DNAJC15: variants seen among roughly 807,000 people sequenced by gnomAD.
The protein encoded by DNAJC15 is DnaJ heat shock protein family (Hsp40) member C15.
DNAJC15 carries 27 observed loss-of-function variants against 22.4 expected under a neutral mutation model. The observed-to-expected ratio is 1.20, with a 90% confidence interval of 0.89 to 1.66. DNAJC15 has a LOEUF of 1.66. DNAJC15 is among the 40% of genes most tolerant of loss of function. The pLI is 0.00. For synonymous variants in DNAJC15, 79 were observed against 63.2 expected (o/e 1.25, Z -1.19); for missense variants, 208 against 187.1 (o/e 1.11, Z -0.65).
chr13:43,061,816 A>C (rs1285813131), intron 1 of DNAJC15, among the ~76,000 whole-genome samples: 1 of 152,212 alleles, frequency 6.6e-6, no homozygotes, highest in Non-Finnish European at 1.5e-5. Flanking sequence ...ACATTTCCAC[A>C]TGAGATGTGA....
intron 1 of DNAJC15, among the ~76,000 whole-genome samples, chr13:43,039,324 A>C (rs1424370777): frequency 1.3e-5 from 2 of 152,240 alleles, no homozygotes; most frequent in Non-Finnish European, 2.9e-5. Flanking sequence ...TCAACAAAAC[A>C]TTCGTGGAAA....
chr13:43,062,491 TAATC>T, intron 1 of DNAJC15, among the ~76,000 whole-genome samples: 1 of 152,246 alleles, frequency 6.6e-6, no homozygotes, highest in Non-Finnish European at 1.5e-5. Context: ...CAAATGGAAA[TAATC>T]AACAGAGTGC....
In DNAJC15 at chr13:43,023,664, G is replaced by A. The variant is rs1257285882; in HGVS notation, c.38G>A (p.Ser13Asn). 3 of 1,612,802 alleles carry A rather than the reference G, an allele frequency of 1.9e-6. No individual in the cohort carries two copies. Among genetic ancestry groups the A allele is most frequent in the Non-Finnish European group, 2.5e-6 (3 of 1,179,512 alleles). ...GGTGTCATCGCTCCAGTTGGCGAGA[G>A]TTTGCGCTACGCTGAGTACTTGCAG... ...ARGVIAPVGE[S>N]LRYAEYLQPS... Residue 13 changes from serine to asparagine, a missense_variant, in exon 1 of 6, where the codon AGT becomes AAT. Physicochemically the swap from Ser to Asn is conservative, Grantham distance 46. Transcript: ENST00000379221.
intron 1 of DNAJC15, among the ~76,000 whole-genome samples, chr13:43,049,679 C>T (rs892073275): frequency 6.6e-6 from 1 of 152,096 alleles, no homozygotes; most frequent in Admixed American, 6.6e-5. Flanking sequence ...AGATTGACTC[C>T]CTTTCTCTTA....
intron 5 of DNAJC15, among the ~76,000 whole-genome samples, chr13:43,094,550 G>A (rs74526836): frequency 6.6e-6 from 1 of 152,104 alleles, no homozygotes; most frequent in Non-Finnish European, 1.5e-5. Context: ...ATCTCTAATC[G>A]CAGTCTCCTT....
chr13:43,068,851 A>G, intron 2 of DNAJC15, 79 bp from the exon 3 acceptor site: 1 of 1,155,982 alleles, frequency 8.7e-7, no homozygotes, highest in Non-Finnish European at 1.2e-6. Context: ...ATCAATAAAT[A>G]CTGTTGCAAG....
At chr13:43,087,575 T>G (rs1245183642) in intron 5 of DNAJC15, among the ~76,000 whole-genome samples, 1 of 152,200 alleles carries the variant, frequency 6.6e-6, no homozygotes, top group Admixed American at 6.5e-5. Context: ...TTGGAATCCT[T>G]CAACATATTT....
chr13:43,075,794 C>T (rs1329097300), intron 3 of DNAJC15, among the ~76,000 whole-genome samples: 1 of 152,146 alleles, frequency 6.6e-6, no homozygotes. Context: ...TCCAGAGTAG[C>T]TGGGATTACA....
intron 1 of DNAJC15, among the ~76,000 whole-genome samples, chr13:43,044,433 C>A (rs747430964): frequency 3.9e-5 from 6 of 152,150 alleles, no homozygotes; most frequent in Non-Finnish European, 7.4e-5. Flanking sequence ...GAAAGTAAGT[C>A]CAAAAGAGAG....
At chr13:43,030,579 T>C (rs1466145827) in intron 1 of DNAJC15, among the ~76,000 whole-genome samples, 4 of 152,236 alleles carry the variant, frequency 2.6e-5, no homozygotes, top group African/African-American at 9.6e-5. Flanking sequence ...TTTTTGTTCA[T>C]TTATTTATTC....
chr13:43,106,401 T>C (rs2040797040), intron 5 of DNAJC15, among the ~76,000 whole-genome samples: 1 of 152,168 alleles, frequency 6.6e-6, no homozygotes, highest in African/African-American at 2.4e-5. Flanking sequence ...AGGTTCTGTT[T>C]GTGATTTACA....
intron 4 of DNAJC15, among the ~76,000 whole-genome samples, chr13:43,082,825 G>A (rs906174453): frequency 6.7e-6 from 1 of 149,312 alleles, no homozygotes; most frequent in African/African-American, 2.5e-5. Flanking sequence ...AAAATACAAT[G>A]GTTCAGCAGA....
chr13:43,080,530 C>T (rs146955179), intron 4 of DNAJC15, among the ~76,000 whole-genome samples: 2 of 152,340 alleles, frequency 1.3e-5, no homozygotes, highest in Non-Finnish European at 2.9e-5. Context: ...ATGTCTGCAA[C>T]ACATGGTACT....
At chr13:43,102,771 C>A (rs2040776133) in intron 5 of DNAJC15, among the ~76,000 whole-genome samples, 2 of 151,984 alleles carry the variant, frequency 1.3e-5, no homozygotes, top group African/African-American at 4.8e-5. Context: ...TGTTTTGCAC[C>A]TGTGCTCATG....
In DNAJC15 at chr13:43,111,939, G is replaced by C. The variant is rs1428267467; in HGVS notation, c.*4691G>C. 1 of 152,202 alleles carries C rather than the reference G, an allele frequency of 6.6e-6. No individual in the cohort carries two copies. The highest frequency in any genetic ancestry group is 2.4e-5 in the African/African-American group (1 of 41,468). 9.4% of individuals were successfully genotyped at this position (152,202 alleles called of 1,614,324 possible). A position where few individuals can be genotyped will look rare whatever the true frequency, so the allele number is the denominator to read the frequency against. ...TTTATGGTGGCATTACACACATTAAGAGATGAGGACTTCTGTTAGCATAAT... is the reference window on the plus strand; with the variant it reads ...TTTATGGTGGCATTACACACATTAACAGATGAGGACTTCTGTTAGCATAAT... On this transcript the variant is annotated 3_prime_UTR_variant, in exon 6 of 6. Transcript: ENST00000379221.
chr13:43,054,048 GT>G (rs1274126164), intron 1 of DNAJC15, among the ~76,000 whole-genome samples: 4 of 152,114 alleles, frequency 2.6e-5, no homozygotes, highest in African/African-American at 9.7e-5. Flanking sequence ...TTGGCTGTGG[GT>G]TTGTCTTTTA....
At chr13:43,051,323 T>A (rs754768129) in intron 1 of DNAJC15, among the ~76,000 whole-genome samples, 3 of 152,144 alleles carry the variant, frequency 2.0e-5, no homozygotes, top group Non-Finnish European at 4.4e-5. Flanking sequence ...AGGTGGTGTT[T>A]GGTTACATGG....
At chr13:43,078,098 GTCC>G (rs2040643493) in intron 3 of DNAJC15, among the ~76,000 whole-genome samples, 1 of 152,110 alleles carries the variant, frequency 6.6e-6, no homozygotes, top group African/African-American at 2.4e-5. Flanking sequence ...TATATCTCGA[GTCC>G]TCCTTTTCTC....
chr13:43,104,693 C>CT (rs67240740), intron 5 of DNAJC15, among the ~76,000 whole-genome samples: 4,059 of 136,582 alleles, frequency 0.03, 95 homozygotes, highest in African/African-American at 0.052. Context: ...CTTTTCTTTT[C>CT]TTTTTTTTTT....
Sources: gnomAD v4.1 joint callset for allele counts (sites outside exome capture counted in the v4.1 genomes callset) on GRCh38, gnomAD v4.1.1 for gene constraint, MANE v1.5 for transcripts, NCBI Gene and HGNC (gene_info 2026-07-23, HGNC 2026-07-21) for gene names.